The following CLSTN2 variants were observed in gnomAD, a reference collection of about 807,000 sequenced individuals.
CLSTN2 encodes calsyntenin 2, also known as calsyntenin-2.
CLSTN2 carries 48 observed loss-of-function variants against 101.2 expected under a neutral mutation model. The observed-to-expected ratio is 0.47, with a 90% confidence interval of 0.38 to 0.60. The LOEUF (loss-of-function observed/expected upper bound fraction) is 0.60. Ranked by LOEUF, CLSTN2 falls within the 20% of genes least tolerant of loss-of-function variation. CLSTN2 has a pLI of 0.00. For synonymous variants in CLSTN2, 481 were observed against 463.6 expected (o/e 1.04, Z -0.48); for missense variants, 1,160 against 1,238.2 (o/e 0.94, Z 0.95).
chr3:140,447,367 G>T (rs1204666742), intron 5 of CLSTN2, among the ~76,000 whole-genome samples: 2 of 152,340 alleles, frequency 1.3e-5, no homozygotes, highest in South Asian at 2.1e-4. Flanking sequence ...AGCGTGGGAT[G>T]CCCGCTGTGG....
chr3:140,277,486 A>T (rs1447150618), intron 2 of CLSTN2, among the ~76,000 whole-genome samples: 1 of 152,214 alleles, frequency 6.6e-6, no homozygotes, highest in Non-Finnish European at 1.5e-5. Flanking sequence ...AGGCTATTGA[A>T]AGCCATCCTA....
intron 1 of CLSTN2, among the ~76,000 whole-genome samples, chr3:140,129,939 A>C (rs1413063871): frequency 6.6e-6 from 1 of 152,198 alleles, no homozygotes; most frequent in Non-Finnish European, 1.5e-5. Flanking sequence ...CCATTCATCA[A>C]GGGGACACAG....
chr3:139,940,266 C>A (rs1935102451), intron 1 of CLSTN2, among the ~76,000 whole-genome samples: 2 of 152,156 alleles, frequency 1.3e-5, no homozygotes, highest in South Asian at 4.1e-4. Flanking sequence ...GTTTTTCCTT[C>A]TCCTCTATAA....
intron 8 of CLSTN2, among the ~76,000 whole-genome samples, chr3:140,482,664 G>C (rs749547559): frequency 1.3e-5 from 2 of 152,172 alleles, no homozygotes; most frequent in Non-Finnish European, 2.9e-5. Flanking sequence ...TCCTGGTTTA[G>C]TCTTGGGAGG....
intron 2 of CLSTN2, among the ~76,000 whole-genome samples, chr3:140,242,689 C>G (rs1024674323): frequency 6.6e-6 from 1 of 152,216 alleles, no homozygotes; most frequent in Non-Finnish European, 1.5e-5. Flanking sequence ...TGGGATTCTG[C>G]GCTTTATGAG....
chr3:140,112,453 C>A (rs2009171931), intron 1 of CLSTN2, among the ~76,000 whole-genome samples: 1 of 152,050 alleles, frequency 6.6e-6, no homozygotes, highest in Non-Finnish European at 1.5e-5. Flanking sequence ...AATAATAAGG[C>A]AGCTTATAAT....
At chr3:140,397,242 T>C (rs1415022550) in intron 2 of CLSTN2, among the ~76,000 whole-genome samples, 1 of 152,144 alleles carries the variant, frequency 6.6e-6, no homozygotes, top group Non-Finnish European at 1.5e-5. Flanking sequence ...CAACCTGTTG[T>C]GATATGTTAT....
In CLSTN2 at chr3:140,378,506, C is replaced by T. The variant is rs79490873; in HGVS notation, c.233-25123C>T. Among the ~76,000 whole-genome samples the T allele has an allele frequency of 3.0e-3, 464 of 152,348 alleles. 1 individual carries two copies. The highest frequency in any genetic ancestry group is 9.8e-3 in the African/African-American group (409 of 41,572). On this transcript the variant is annotated intron_variant, in intron 2 of 16. Transcript: ENST00000458420. ...TCTACTGACACTAGGAAAGGTGGAG[C>T]TCAAGACGCAGTTAATTTAATCTGT...
intron 2 of CLSTN2, among the ~76,000 whole-genome samples, chr3:140,193,264 T>G (rs1576462366): frequency 6.8e-6 from 1 of 146,432 alleles, no homozygotes; most frequent in Non-Finnish European, 1.5e-5. Flanking sequence ...TTTTATAGTT[T>G]TTTTTTTTTT....
intron 2 of CLSTN2, among the ~76,000 whole-genome samples, chr3:140,293,557 G>C (rs909487016): frequency 7.2e-5 from 11 of 152,208 alleles, no homozygotes; most frequent in African/African-American, 2.7e-4. Context: ...GCCTAAGTGA[G>C]CAGTGGAAAG....
chr3:140,222,049 C>T (rs920898481), intron 2 of CLSTN2, among the ~76,000 whole-genome samples: 24 of 151,014 alleles, frequency 1.6e-4, no homozygotes, highest in African/African-American at 5.8e-4. Context: ...TCACAATAGC[C>T]AAGATTTGGA....
intron 2 of CLSTN2, among the ~76,000 whole-genome samples, chr3:140,229,780 C>CT (rs2086354694): frequency 6.6e-6 from 1 of 152,018 alleles, no homozygotes; most frequent in South Asian, 2.1e-4. Context: ...AAGATCTTCT[C>CT]TTATAAAGGC....
intron 5 of CLSTN2, among the ~76,000 whole-genome samples, chr3:140,447,481 T>C (rs1434526816): frequency 6.6e-6 from 1 of 152,220 alleles, no homozygotes; most frequent in Non-Finnish European, 1.5e-5. Context: ...TACATTCACT[T>C]GTAGAGTTTG....
At chr3:140,537,995 G>T (rs530656029) in intron 9 of CLSTN2, among the ~76,000 whole-genome samples, 7 of 140,996 alleles carry the variant, frequency 5.0e-5, no homozygotes, top group African/African-American at 2.1e-4. Context: ...GCCATGACCA[G>T]AGCAACTCTG....
intron 2 of CLSTN2, among the ~76,000 whole-genome samples, chr3:140,354,686 G>A (rs977737120): frequency 6.6e-6 from 1 of 152,182 alleles, no homozygotes; most frequent in African/African-American, 2.4e-5. Context: ...TATCTGGAGT[G>A]AGCCTGGCTG....
At chr3:140,542,833 G>A (rs1003621410) in intron 9 of CLSTN2, among the ~76,000 whole-genome samples, 5 of 152,212 alleles carry the variant, frequency 3.3e-5, no homozygotes, top group African/African-American at 1.2e-4. Flanking sequence ...AGCAGTTGAA[G>A]AGGGTTAGAA....
chr3:140,037,871 T>C (rs941091352), intron 1 of CLSTN2, among the ~76,000 whole-genome samples: 4 of 152,228 alleles, frequency 2.6e-5, no homozygotes, highest in Non-Finnish European at 4.4e-5. Flanking sequence ...CCAAAAAACA[T>C]GATCTTGCTC....
chr3:140,229,760 T>C (rs942677030), intron 2 of CLSTN2, among the ~76,000 whole-genome samples: 2 of 151,936 alleles, frequency 1.3e-5, no homozygotes, highest in African/African-American at 4.8e-5. Context: ...TTTCAAGTCT[T>C]TTTCCTGTCA....
intron 1 of CLSTN2, among the ~76,000 whole-genome samples, chr3:140,089,078 C>A (rs2008726838): frequency 6.6e-6 from 1 of 152,144 alleles, no homozygotes; most frequent in Non-Finnish European, 1.5e-5. Flanking sequence ...GTCTTTTGGT[C>A]TCTGTCCCTC....
Sources: allele counts gnomAD v4.1 joint callset (sites outside exome capture counted in the v4.1 genomes callset), GRCh38; gene constraint gnomAD v4.1.1; transcripts MANE v1.5; gene names NCBI Gene and HGNC (gene_info 2026-07-23, HGNC 2026-07-21).